Variants in BCOR observed in about 807,000 individuals in gnomAD.
The protein encoded by BCOR is BCL6 corepressor, also known as BCL-6 corepressor.
Under a neutral mutation model 86.7 loss-of-function variants are expected in BCOR, and 10 were observed. That is an observed-to-expected ratio of 0.12 (90% CI 0.07 to 0.20). BCOR has a LOEUF of 0.20. BCOR is among the 10% of genes least tolerant of loss of function. The pLI is 1.00. For missense variants in BCOR, 1,259 were observed against 1,452.1 expected (o/e 0.87, Z 2.16); for synonymous variants, 611 against 609.0 (o/e 1.00, Z -0.05).
In BCOR at chrX:40,066,919, A is replaced by ACC. The variant is rs1491289399; in HGVS notation, c.3239-2321_3239-2320insGG. On this transcript the variant is annotated intron_variant, in intron 6 of 14. Transcript: ENST00000378444. Reference sequence around the variant, plus strand: ...CCCTGTCTTGGCACCCTTCCCAGAGACACCCCCCCCCCCCCATCAAATCCC... The same window carrying ACC: ...CCCTGTCTTGGCACCCTTCCCAGAGACCCACCCCCCCCCCCCCATCAAATCCC... Among the ~76,000 whole-genome samples the ACC allele has an allele frequency of 2.0e-4, 10 of 49,131 alleles. No homozygotes were observed. In the East Asian group the frequency reaches 5.2e-3, roughly 25 times the overall value. 42.7% of individuals were successfully genotyped at this position (49,131 alleles called of 115,157 possible).
At chrX:40,088,510 C>T (rs976354022) in intron 1 of BCOR, among the ~76,000 whole-genome samples, 4 of 111,144 alleles carry the variant, frequency 3.6e-5, no homozygotes, top group East Asian at 2.8e-4. Context: ...AGGGAGGGCT[C>T]CTGTTTCAGA....
chrX:40,105,964 C>T (rs1937172156), intron 1 of BCOR, among the ~76,000 whole-genome samples: 1 of 112,979 alleles, frequency 8.9e-6, no homozygotes. Context: ...CAGACACACT[C>T]ATCTCCCCCT....
intron 1 of BCOR, among the ~76,000 whole-genome samples, chrX:40,082,681 TGGGCAG>T (rs1936158611): frequency 9.0e-6 from 1 of 111,692 alleles, no homozygotes; most frequent in South Asian, 3.8e-4. Flanking sequence ...CGCGTGTCTC[TGGGCAG>T]GTGGCTGAAC....
rs776054747 is a variant in BCOR, at chrX:40,160,830, AT to A, written c.-41+16176del. ...AGGCACACTCCGCCACGCCCGGCTA[AT>A]TTTTTTTTTTTTTTTTGTATTTTAG... On this transcript the variant is annotated intron_variant, in intron 1 of 14. Coordinates refer to the BCOR transcript ENST00000342274. Among the ~76,000 whole-genome samples the A allele has an allele frequency of 2.2e-3, 205 of 92,310 alleles. 1 individual carries two copies. The highest frequency in any genetic ancestry group is 0.011 in the Middle Eastern group (2 of 184). The allele number at this position is 92,310 out of a possible 115,157, so 80.2% of individuals were successfully genotyped here.
chrX:40,164,977 C>G (rs976742899), intron 1 of BCOR, among the ~76,000 whole-genome samples: 1 of 111,762 alleles, frequency 8.9e-6, no homozygotes, highest in Non-Finnish European at 1.9e-5. Context: ...GATGCCCAGG[C>G]GGCCCATGGA....
intron 14 of BCOR, 186 bp downstream of exon 14, chrX:40,053,700 C>A: frequency 2.0e-6 from 1 of 511,891 alleles, no homozygotes; most frequent in Admixed American, 2.9e-5. Flanking sequence ...CCACCCCCCA[C>A]CACACTGGGT....
At chrX:40,077,066 C>G (rs774689453) in intron 2 of BCOR, 3 of 252,494 alleles carry the variant, frequency 1.2e-5, no homozygotes, top group Non-Finnish European at 1.5e-5. Context: ...GATAAAAAAG[C>G]CATATTTGAC....
chrX:40,073,413 C>T lies in BCOR; in HGVS notation c.1933G>A (p.Ala645Thr). ...PSSIFLSPNE[A>T]FRSPPIPYPR... ...TAGGGAATTGGTGGGGACCTGAATG[C>T]CTCATTTGGAGACAGAAATATAGAG... is the stretch of plus-strand genomic sequence containing the variant. The change falls in exon 4 of 15, where the codon GCA (alanine) becomes ACA (threonine). Residue 645 changes from alanine (A) to threonine (T), a missense_variant. Coordinates refer to ENST00000378444, the MANE Select transcript of BCOR (RefSeq NM_001123385.2). The T allele has an allele frequency of 8.2e-7, 1 of 1,212,279 alleles. No homozygotes were observed. Among genetic ancestry groups the T allele is most frequent in the Non-Finnish European group, 1.1e-6 (1 of 895,624 alleles).
Position 40,104,794 on chromosome X carries a change from C to G in BCOR, c.-40-26825G>C, listed in dbSNP as rs529572901. Among the ~76,000 whole-genome samples, 24 of 113,115 alleles carry G rather than the reference C, an allele frequency of 2.1e-4. No individual in the cohort carries two copies. In the South Asian group the frequency reaches 6.8e-3, roughly 32 times the overall value. ...CTCGCCCTTCCCCGAAAAGCTTGGC[C>G]GCGGTCTAAGCTCCGAGCAAGCGGG... On this transcript the variant is annotated intron_variant, in intron 1 of 14. Transcript: ENST00000342274.
chrX:40,072,747 C>T lies in BCOR; in HGVS notation c.2599G>A (p.Glu867Lys), dbSNP rs1935539920. 2 of 1,211,794 alleles carry T rather than the reference C, an allele frequency of 1.7e-6. No homozygotes were observed. Among genetic ancestry groups the T allele is most frequent in the Non-Finnish European group, 2.2e-6 (2 of 895,565 alleles). Residue 867 changes from glutamate to lysine, a missense_variant, in exon 4 of 15, where the codon GAA (glutamate) becomes AAA (lysine). Glu to Lys is a moderately conservative substitution (Grantham distance 56, BLOSUM62 1). Coordinates refer to ENST00000378444, the MANE Select transcript of BCOR (RefSeq NM_001123385.2). Reference protein sequence around the residue: ...EELGRISDFHETYTFKQPVFT... With the variant: ...EELGRISDFHKTYTFKQPVFT... The stretch of plus-strand genomic sequence containing the variant: ...ACTGGCTGTTTGAAAGTATAAGTTT[C>T]GTGGAAGTCACTGATGCGCCCCAAC...
chrX:40,064,238 G>A (rs1017639941), intron 7 of BCOR, 98 bp downstream of exon 7: 18 of 1,137,124 alleles, frequency 1.6e-5, no homozygotes, highest in Admixed American at 4.4e-5. Flanking sequence ...CTCTGTCTAC[G>A]GGGGCAGCGC....
In BCOR at chrX:40,062,326, T is replaced by C; in HGVS notation, c.4241A>G (p.Gln1414Arg). ...SSDYDLSPAK[Q>R]EPKPFDRLQQ... is the part of the protein sequence containing the mutation. The stretch of plus-strand genomic sequence containing the variant: ...CAAGCGGTCGAAGGGCTTTGGCTCC[T>C]GCTTGGCTGGTGACAGATCATAGTC... The change falls in exon 10 of 15, where the codon CAG (glutamine) becomes CGG (arginine). Residue 1414 changes from glutamine (Q) to arginine (R), a missense_variant. Physicochemically the swap from Gln to Arg is conservative, Grantham distance 43. This residue lies in a region of BCOR where 305 missense variants were observed against 286.1 expected (regional missense o/e 1.07). Coordinates refer to ENST00000378444, the MANE Select transcript of BCOR (RefSeq NM_001123385.2). 1 of 1,208,422 alleles carries C rather than the reference T, an allele frequency of 8.3e-7. No individual in the cohort carries two copies. The highest frequency in any genetic ancestry group is 1.1e-6 in the Non-Finnish European group (1 of 894,036).
Position 40,075,063 on chromosome X carries a change from C to T in BCOR, c.283G>A (p.Gly95Arg), listed in dbSNP as rs1423559369. The change falls in exon 4 of 15, where the codon GGA becomes AGA. Residue 95 changes from glycine to arginine, a missense_variant. This residue lies in a region of BCOR where 174 missense variants were observed against 189.3 expected (regional missense o/e 0.92). Transcript: ENST00000378444. ...PGNIVYSSLC[G>R]LGSEKGREAA... ...TCCCGACCTTTCTCTGAGCCCAGTC[C>T]ACACAAGCTAGAATAGACGATGTTT... The T allele has an allele frequency of 8.3e-7, 1 of 1,203,592 alleles. No individual in the cohort carries two copies. The highest frequency in any genetic ancestry group is 1.8e-5 in the African/African-American group (1 of 56,658).
Position 40,073,748 on chromosome X carries a change from T to C in BCOR, c.1598A>G (p.Asp533Gly), listed in dbSNP as rs1935616727. 2 of 1,211,836 alleles carry C rather than the reference T, an allele frequency of 1.7e-6. No individual in the cohort carries two copies. Among genetic ancestry groups the C allele is most frequent in the African/African-American group, 1.7e-5 (1 of 57,729 alleles). ...KSMSLKNKAL[D>G]WAIPQQRSSS... The stretch of plus-strand genomic sequence containing the variant: ...ACTCCGCTGCTGTGGTATCGCCCAG[T>C]CCAATGCCTTGTTTTTCAGCGACAT... Residue 533 changes from aspartate (D) to glycine (G), a missense_variant, in exon 4 of 15, where the codon GAC (aspartate) becomes GGC (glycine). Physicochemically the swap from Asp to Gly is moderately conservative, Grantham distance 94 (BLOSUM62 -1). This residue lies in a region of BCOR where 534 missense variants were observed against 594.8 expected (regional missense o/e 0.90). Coordinates refer to ENST00000378444, the MANE Select transcript of BCOR (RefSeq NM_001123385.2).
At chrX:40,067,775 C>T (rs930718638) in intron 6 of BCOR, among the ~76,000 whole-genome samples, 1 of 111,788 alleles carries the variant, frequency 8.9e-6, no homozygotes, top group Non-Finnish European at 1.9e-5. Flanking sequence ...AGAACACCCA[C>T]CTTGACTGCC....
chrX:40,159,202 AAAATATC>A (rs1300911459), intron 1 of BCOR, among the ~76,000 whole-genome samples: 1 of 112,643 alleles, frequency 8.9e-6, no homozygotes, highest in African/African-American at 3.2e-5. Flanking sequence ...TCAACCAAGC[AAAATATC>A]AAATATCAGA....
At chrX:40,109,098 G>A (rs922074467) in intron 1 of BCOR, among the ~76,000 whole-genome samples, 2 of 112,547 alleles carry the variant, frequency 1.8e-5, no homozygotes, top group African/African-American at 6.4e-5. Context: ...AGGGCGGCGG[G>A]GAGGAGGAGA....
intron 1 of BCOR, among the ~76,000 whole-genome samples, chrX:40,130,396 C>T (rs963669705): frequency 2.7e-5 from 3 of 112,284 alleles, no homozygotes; most frequent in African/African-American, 9.7e-5. Flanking sequence ...CCAGGGATTC[C>T]GGGGTGCTGA....
At chrX:40,061,523 G>A (rs1005320585) in intron 10 of BCOR, among the ~76,000 whole-genome samples, 11 of 111,444 alleles carry the variant, frequency 9.9e-5, no homozygotes, top group Non-Finnish European at 1.5e-4. Context: ...AGCTATCATT[G>A]TCATGGCCCA....
Sources: allele counts gnomAD v4.1 joint callset (sites outside exome capture counted in the v4.1 genomes callset), GRCh38; gene constraint gnomAD v4.1.1; regional missense constraint gnomAD v4.1.1; transcripts MANE v1.5; gene names NCBI Gene and HGNC (gene_info 2026-07-23, HGNC 2026-07-21).